Variants in C3orf49 observed in about 807,000 individuals in gnomAD.
The protein encoded by C3orf49 is chromosome 3 open reading frame 49.
C3orf49 carries 27 observed loss-of-function variants against 13.3 expected under a neutral mutation model. The observed-to-expected ratio is 2.02, with a 90% confidence interval of 1.49 to 2.79. The LOEUF (loss-of-function observed/expected upper bound fraction) is 2.79. C3orf49 is among the 30% of genes most tolerant of loss of function. C3orf49 has a pLI of 0.00. For synonymous variants in C3orf49, 87 were observed against 47.6 expected (o/e 1.83, Z -3.40); for missense variants, 242 against 134.2 (o/e 1.80, Z -3.97).
At chr3:63,810,624 A>G in the C3orf49 span, among the ~76,000 whole-genome samples, 5 of 152,216 alleles carry the variant, frequency 3.3e-5, no homozygotes, top group African/African-American at 7.2e-5. Context: ...GGCCATGTCA[A>G]TGACGGCTTA....
the C3orf49 span, among the ~76,000 whole-genome samples, chr3:63,813,134 A>G: frequency 6.6e-6 from 1 of 152,222 alleles, no homozygotes; most frequent in Non-Finnish European, 1.5e-5. Flanking sequence ...TCCAATACCC[A>G]TAGTATGCAT....
chr3:63,783,024 A>C, the C3orf49 span: 1 of 152,186 alleles, frequency 6.6e-6, no homozygotes, highest in Non-Finnish European at 1.5e-5. Context: ...CGAAATGATG[A>C]AACTGAATGA....
chr3:63,834,130 G>C (rs1701575938), intron 5 of C3orf49: 1 of 1,613,970 alleles, frequency 6.2e-7, no homozygotes, highest in Non-Finnish European at 8.5e-7. Flanking sequence ...CAATTAGCCT[G>C]TCTATGGCTT....
At chr3:63,827,318 G>A in intron 2 of C3orf49, 1 of 256,716 alleles carries the variant, frequency 3.9e-6, no homozygotes, top group Non-Finnish European at 7.4e-6. Context: ...TTCCACAATG[G>A]TTCAGGGGAA....
the C3orf49 span, among the ~76,000 whole-genome samples, chr3:63,807,540 C>T: frequency 2.6e-5 from 4 of 152,188 alleles, no homozygotes; most frequent in South Asian, 2.1e-4. Context: ...TCAGGATGAA[C>T]TTCTCTTGGG....
At chr3:63,808,154 T>C in the C3orf49 span, among the ~76,000 whole-genome samples, 1 of 152,178 alleles carries the variant, frequency 6.6e-6, no homozygotes, top group African/African-American at 2.4e-5. Flanking sequence ...CAACTGTCAC[T>C]CAATTAGAAG....
upstream of C3orf49, among the ~76,000 whole-genome samples, chr3:63,817,871 T>C (rs1420243602): frequency 6.6e-6 from 1 of 152,178 alleles, no homozygotes; most frequent in East Asian, 1.9e-4. Context: ...ATTCATCTCA[T>C]TCATCTAGAT....
At chr3:63,817,278 T>C (rs1374750357), upstream of C3orf49, among the ~76,000 whole-genome samples, 1 of 152,114 alleles carries the variant, frequency 6.6e-6, no homozygotes, top group Admixed American at 6.5e-5. Flanking sequence ...TATCCCATCA[T>C]CCTCTTTTAC....
At chr3:63,788,038 C>G in the C3orf49 span, among the ~76,000 whole-genome samples, 1 of 152,186 alleles carries the variant, frequency 6.6e-6, no homozygotes, top group African/African-American at 2.4e-5. Context: ...GTTAGAGCCT[C>G]TCCAACAGCT....
the C3orf49 span, among the ~76,000 whole-genome samples, chr3:63,794,172 T>TACACACACACACACAC: frequency 0.025 from 3,617 of 142,586 alleles, 78 homozygotes; most frequent in African/African-American, 0.068. Flanking sequence ...TACACACACA[T>TACACACACACACACAC]ACACACACAC....
At chr3:63,795,527 C>T in the C3orf49 span, among the ~76,000 whole-genome samples, 2 of 152,138 alleles carry the variant, frequency 1.3e-5, no homozygotes, top group African/African-American at 4.8e-5. Context: ...CCCTATACTT[C>T]TGGGAGACAC....
chr3:63,834,113 T>A, intron 5 of C3orf49: 1 of 1,612,924 alleles, frequency 6.2e-7, no homozygotes, highest in Non-Finnish European at 8.5e-7. Flanking sequence ...TTCCTGGGAG[T>A]GGTGGGCAAT....
chr3:63,834,302 A>T, intron 5 of C3orf49: 1 of 1,104,854 alleles, frequency 9.1e-7, no homozygotes, highest in South Asian at 1.4e-5. Flanking sequence ...CAATACAATT[A>T]AAGCTAAGAT....
the C3orf49 span, among the ~76,000 whole-genome samples, chr3:63,789,938 C>T: frequency 6.6e-6 from 1 of 151,534 alleles, no homozygotes; most frequent in Admixed American, 6.6e-5. Context: ...CCCTCTCATA[C>T]ATCCACTTTA....
chr3:63,824,645 C>T (rs1455789565), intron 2 of C3orf49, among the ~76,000 whole-genome samples: 3 of 152,010 alleles, frequency 2.0e-5, no homozygotes, highest in Non-Finnish European at 4.4e-5. Flanking sequence ...TTGAGACAAG[C>T]CTGGGCAATA....
chr3:63,802,209 C>CA, the C3orf49 span, among the ~76,000 whole-genome samples: 884 of 152,276 alleles, frequency 5.8e-3, 13 homozygotes, highest in African/African-American at 0.02. Flanking sequence ...CAGTTCACTT[C>CA]AAGCTTTGCT....
At chr3:63,784,813 G>A in the C3orf49 span, 13 of 152,086 alleles carry the variant, frequency 8.5e-5, no homozygotes, top group African/African-American at 2.2e-4. Flanking sequence ...AGCCAAATAC[G>A]CACCACTGCA....
intron 5 of C3orf49, chr3:63,835,279 C>T (rs1228355016): frequency 6.2e-7 from 1 of 1,610,598 alleles, no homozygotes; most frequent in Non-Finnish European, 8.5e-7. Flanking sequence ...GATATATAGA[C>T]AGACAGATAG....
At chr3:63,804,146 C>T in the C3orf49 span, among the ~76,000 whole-genome samples, 15 of 152,110 alleles carry the variant, frequency 9.9e-5, no homozygotes, top group Admixed American at 7.9e-4. Flanking sequence ...GATGAAGCTT[C>T]GCTTGCTTGC....
Sources: allele counts gnomAD v4.1 joint callset (sites outside exome capture counted in the v4.1 genomes callset), GRCh38; gene constraint gnomAD v4.1.1; transcripts MANE v1.5; gene names NCBI Gene and HGNC (gene_info 2026-07-23, HGNC 2026-07-21).